KALRN: variants seen among roughly 807,000 people sequenced by gnomAD.
KALRN encodes kalirin.
In KALRN, 70 loss-of-function variants were observed where a neutral mutation model predicts 353.7. That is an observed-to-expected ratio of 0.20 (90% CI 0.16 to 0.24). The LOEUF is 0.24. KALRN is among the 10% of genes least tolerant of loss of function. The pLI, the probability that KALRN is intolerant of heterozygous loss-of-function variation, is 1.00. For synonymous variants in KALRN, 1,391 were observed against 1,434.8 expected (o/e 0.97, Z 0.69); for missense variants, 2,791 against 3,756.7 (o/e 0.74, Z 6.72).
At chr3:124,072,922 A>G (rs955981563) in intron 1 of KALRN, among the ~76,000 whole-genome samples, 11 of 152,198 alleles carry the variant, frequency 7.2e-5, no homozygotes, top group African/African-American at 2.7e-4. Context: ...TGGTTCTCCA[A>G]CAGGACCAGC....
intron 41 of KALRN, 73 bp downstream of exon 41, chr3:124,657,876 AG>A: frequency 8.9e-7 from 1 of 1,128,390 alleles, no homozygotes; most frequent in Non-Finnish European, 1.3e-6. Flanking sequence ...AATCCTGGCC[AG>A]GCACAGTGGC....
intron 6 of KALRN, among the ~76,000 whole-genome samples, chr3:124,299,508 A>C (rs2077097333): frequency 6.6e-6 from 1 of 152,208 alleles, no homozygotes; most frequent in South Asian, 2.1e-4. Flanking sequence ...AGTGGGAGAC[A>C]GTGAGCTCTC....
intron 4 of KALRN, 66 bp downstream of exon 4, chr3:124,264,756 A>C: frequency 3.6e-6 from 5 of 1,390,932 alleles, no homozygotes; most frequent in Non-Finnish European, 5.1e-6. Context: ...CACATTTCTC[A>C]CGTCCTCTTC....
chr3:124,581,622 G>C (rs4678136), intron 34 of KALRN, among the ~76,000 whole-genome samples: 37,875 of 152,024 alleles, frequency 0.25, 4,877 homozygotes, highest in East Asian at 0.33. Context: ...GGGAAGATTT[G>C]AGTAAAAAAC....
intron 1 of KALRN, among the ~76,000 whole-genome samples, chr3:124,212,987 G>A (rs571398667): frequency 1.1e-4 from 17 of 151,900 alleles, no homozygotes; most frequent in African/African-American, 2.9e-4. Flanking sequence ...TTTGATACAC[G>A]TTTCCTAGCT....
chr3:124,697,762 T>C (rs2062122660), intron 55 of KALRN, 38 bp downstream of exon 55: 1 of 1,460,568 alleles, frequency 6.8e-7, no homozygotes, highest in Non-Finnish European at 9.1e-7. Context: ...TTTTCTCTTC[T>C]TTTAAAACAT....
At chr3:124,588,539 G>A (rs1229673506) in intron 34 of KALRN, among the ~76,000 whole-genome samples, 3 of 152,168 alleles carry the variant, frequency 2.0e-5, no homozygotes, top group African/African-American at 7.2e-5. Flanking sequence ...ATTCTCATGC[G>A]TCAGCCTCCT....
At chr3:124,593,984 C>T (rs929002235) in intron 34 of KALRN, among the ~76,000 whole-genome samples, 2 of 152,122 alleles carry the variant, frequency 1.3e-5, no homozygotes, top group Admixed American at 1.3e-4. Flanking sequence ...TGAGCCACCA[C>T]ACCCGGCCTC....
intron 20 of KALRN, 116 bp from the exon 21 acceptor site, chr3:124,446,647 G>A (rs1300936557): frequency 3.9e-6 from 5 of 1,278,644 alleles, no homozygotes; most frequent in Non-Finnish European, 5.5e-6. Context: ...CAATCAAATT[G>A]TCAGTGTTTC....
intron 19 of KALRN, among the ~76,000 whole-genome samples, chr3:124,443,026 G>C (rs1013292462): frequency 6.6e-6 from 1 of 152,004 alleles, no homozygotes; most frequent in African/African-American, 2.4e-5. Flanking sequence ...AAAGAACAAA[G>C]AACCTGCATT....
chr3:124,165,575 T>C (rs764230240), intron 1 of KALRN, among the ~76,000 whole-genome samples: 7 of 152,220 alleles, frequency 4.6e-5, no homozygotes, highest in Non-Finnish European at 1.0e-4. Context: ...ACACTGCTCC[T>C]TCTTTGCGTC....
At chr3:124,426,227 G>T (rs1261327786) in intron 15 of KALRN, among the ~76,000 whole-genome samples, 6 of 152,202 alleles carry the variant, frequency 3.9e-5, no homozygotes, top group Non-Finnish European at 1.5e-5. Context: ...GGTGGAGCGG[G>T]AAATACTGAT....
At chr3:124,666,916 G>T in intron 46 of KALRN, 96 bp from the exon 47 acceptor site, 1 of 1,322,732 alleles carries the variant, frequency 7.6e-7, no homozygotes, top group Non-Finnish European at 1.0e-6. Flanking sequence ...AAATTTGGAA[G>T]CTTGTCCTGA....
chr3:124,485,004 G>A (rs1231726594), intron 28 of KALRN, among the ~76,000 whole-genome samples: 1 of 152,142 alleles, frequency 6.6e-6, no homozygotes, highest in Non-Finnish European at 1.5e-5. Flanking sequence ...GCTGAGGCAT[G>A]AGAATTGCTT....
At chr3:124,133,178 G>A (rs2065504546) in intron 1 of KALRN, among the ~76,000 whole-genome samples, 1 of 152,074 alleles carries the variant, frequency 6.6e-6, no homozygotes, top group Non-Finnish European at 1.5e-5. Context: ...TATCCTTAGT[G>A]GTGATTAAAA....
intron 13 of KALRN, among the ~76,000 whole-genome samples, chr3:124,411,220 G>T (rs1313830140): frequency 1.3e-5 from 2 of 152,102 alleles, no homozygotes; most frequent in Non-Finnish European, 2.9e-5. Context: ...GGATTGGAAG[G>T]GGGCACAAGC....
intron 57 of KALRN, among the ~76,000 whole-genome samples, chr3:124,708,318 C>T (rs2062735487): frequency 6.6e-6 from 1 of 152,066 alleles, no homozygotes; most frequent in Non-Finnish European, 1.5e-5. Flanking sequence ...TGACATGATC[C>T]AAATATTGGA....
intron 1 of KALRN, among the ~76,000 whole-genome samples, chr3:124,208,984 A>ATCATC (rs1560235913): frequency 1.3e-5 from 2 of 150,326 alleles, no homozygotes; most frequent in African/African-American, 4.9e-5. Context: ...TAATAATAAT[A>ATCATC]ATCATCATCA....
chr3:124,341,065 A>C (rs1456478154), intron 9 of KALRN, among the ~76,000 whole-genome samples: 1 of 152,248 alleles, frequency 6.6e-6, no homozygotes, highest in Non-Finnish European at 1.5e-5. Context: ...TGCTGGTTGG[A>C]ATAAACACAA....
Sources: allele counts gnomAD v4.1 joint callset (sites outside exome capture counted in the v4.1 genomes callset), GRCh38; gene constraint gnomAD v4.1.1; transcripts MANE v1.5; gene names NCBI Gene and HGNC (gene_info 2026-07-23, HGNC 2026-07-21).